The following CDH18 variants were observed in gnomAD, a reference collection of about 807,000 sequenced individuals.
The protein encoded by CDH18 is cadherin-18.
A neutral mutation model predicts 67.9 loss-of-function variants in CDH18; 31 were observed. The observed-to-expected ratio is 0.46, with a 90% CI of 0.34 to 0.62. CDH18 has a LOEUF of 0.62. Among genes scored for constraint, CDH18 ranks in the 20% least tolerant of loss-of-function variants. CDH18 has a pLI of 0.01. For missense variants in CDH18, 890 were observed against 975.5 expected, an observed-to-expected ratio of 0.91 and a Z score of 1.17; for synonymous variants, 362 against 347.2, an observed-to-expected ratio of 1.04 and a Z score of -0.48.
intron 1 of CDH18, among the ~76,000 whole-genome samples, chr5:20,294,073 G>C (rs1366744002): frequency 6.6e-6 from 1 of 152,090 alleles, no homozygotes; most frequent in Non-Finnish European, 1.5e-5. Flanking sequence ...TATATACACT[G>C]TTGGTCATAG....
At chr5:20,535,226 C>T (rs765131499) in intron 1 of CDH18, among the ~76,000 whole-genome samples, 6 of 152,086 alleles carry the variant, frequency 3.9e-5, no homozygotes, top group South Asian at 4.1e-4. Flanking sequence ...ACTGAAGTGC[C>T]GATTTGCTTG....
intron 5 of CDH18, among the ~76,000 whole-genome samples, chr5:19,632,353 T>C (rs1752537200): frequency 6.6e-6 from 1 of 152,220 alleles, no homozygotes; most frequent in South Asian, 2.1e-4. Context: ...TTTGTATTAA[T>C]AGTTCTAGAA....
Position 19,997,630 on chromosome 5 carries a change from C to A in CDH18, c.-517-5616G>T, listed in dbSNP as rs535389180. Among the ~76,000 whole-genome samples the A allele has an allele frequency of 5.9e-5, 9 of 152,128 alleles. No individual in the cohort carries two copies. The South Asian group carries it at 1.9e-3, about 32-fold the overall frequency. On this transcript the variant is annotated intron_variant, in intron 2 of 14. Coordinates refer to the CDH18 transcript ENST00000507958. ...GGTAAACTCTAAAGTCTTTGAGAAC[C>A]AACAGAAAGTATACTTTAAAGTTTT...
chr5:20,542,511 G>C (rs983659979), intron 1 of CDH18, among the ~76,000 whole-genome samples: 4 of 151,100 alleles, frequency 2.6e-5, no homozygotes, highest in Non-Finnish European at 5.9e-5. Context: ...TATATATTGT[G>C]CGTATGCATA....
At chr5:20,021,890 T>G (rs1225622961) in intron 2 of CDH18, among the ~76,000 whole-genome samples, 1 of 152,212 alleles carries the variant, frequency 6.6e-6, no homozygotes, top group Non-Finnish European at 1.5e-5. Context: ...ACATTTTCTT[T>G]CAATGAGCAG....
intron 2 of CDH18, among the ~76,000 whole-genome samples, chr5:19,913,017 T>C (rs1466682074): frequency 2.0e-5 from 3 of 152,128 alleles, no homozygotes. Context: ...AATATGGGTA[T>C]TTTAAAGAAA....
chr5:20,275,190 T>A (rs997511476), intron 1 of CDH18, among the ~76,000 whole-genome samples: 1 of 152,148 alleles, frequency 6.6e-6, no homozygotes, highest in Non-Finnish European at 1.5e-5. Flanking sequence ...CCAAATCTCA[T>A]GGCAAATTGG....
chr5:20,353,118 G>T (rs1319770020), intron 1 of CDH18, among the ~76,000 whole-genome samples: 1 of 152,008 alleles, frequency 6.6e-6, no homozygotes, highest in Non-Finnish European at 1.5e-5. Context: ...TTCTCATGGT[G>T]GTGTATGCCT....
At chr5:20,484,070 ACAACT>A (rs1338426217) in intron 1 of CDH18, among the ~76,000 whole-genome samples, 10 of 152,042 alleles carry the variant, frequency 6.6e-5, no homozygotes, top group African/African-American at 2.4e-4. Flanking sequence ...ATAAGAATAA[ACAACT>A]CTATAGGAAC....
At position 20,139,451 on chromosome 5, in the gene CDH18, C is replaced by A. The variant is rs539351217; in HGVS notation, c.-518+115993G>T. On this transcript the variant is annotated intron_variant, in intron 2 of 14. Transcript: ENST00000507958. The stretch of plus-strand genomic sequence containing the variant: ...ACACCAAAAGCAATGGCAACAAAAG[C>A]CAAAATTGACAAATGGGATCTAAGT... Among the ~76,000 whole-genome samples the A allele has an allele frequency of 3.3e-5, 5 of 152,086 alleles. No individual in the cohort carries two copies. In the South Asian group the frequency reaches 8.3e-4, roughly 25 times the overall value.
At chr5:20,509,651 C>T (rs540177770) in intron 1 of CDH18, among the ~76,000 whole-genome samples, 2 of 152,206 alleles carry the variant, frequency 1.3e-5, no homozygotes, top group Admixed American at 6.5e-5. Context: ...GATCTCCTGA[C>T]CTTGTGATCC....
At chr5:20,445,130 G>A (rs952162799) in intron 1 of CDH18, among the ~76,000 whole-genome samples, 11 of 152,080 alleles carry the variant, frequency 7.2e-5, no homozygotes, top group South Asian at 4.1e-4. Context: ...TGCTACTCTC[G>A]TCTTCTAAAC....
chr5:20,415,958 C>T (rs933922228), intron 1 of CDH18, among the ~76,000 whole-genome samples: 4 of 151,858 alleles, frequency 2.6e-5, no homozygotes, highest in Admixed American at 6.6e-5. Context: ...AAGAACAAAA[C>T]AGAATGGTGG....
At chr5:20,147,377 C>A (rs544351749) in intron 2 of CDH18, among the ~76,000 whole-genome samples, 2 of 152,000 alleles carry the variant, frequency 1.3e-5, no homozygotes, top group African/African-American at 4.8e-5. Context: ...CATTCTTATA[C>A]CCTCTAGCTC....
chr5:19,569,691 C>T (rs1403134075), intron 8 of CDH18, among the ~76,000 whole-genome samples: 1 of 152,134 alleles, frequency 6.6e-6, no homozygotes, highest in East Asian at 1.9e-4. Flanking sequence ...ATCTATCAAA[C>T]ACTAGGTTCT....
chr5:19,985,859 T>C (rs979451736), intron 1 of CDH18, among the ~76,000 whole-genome samples: 3 of 152,190 alleles, frequency 2.0e-5, no homozygotes, highest in Non-Finnish European at 2.9e-5. Flanking sequence ...AAGTAAGTTT[T>C]TCCTGGTCAA....
At chr5:19,852,171 T>A (rs1483449465) in intron 2 of CDH18, among the ~76,000 whole-genome samples, 1 of 152,012 alleles carries the variant, frequency 6.6e-6, no homozygotes, top group Non-Finnish European at 1.5e-5. Context: ...TAACCAGGAC[T>A]TTGGGGTCAA....
intron 1 of CDH18, among the ~76,000 whole-genome samples, chr5:20,366,139 A>G (rs986109966): frequency 2.0e-5 from 3 of 152,168 alleles, no homozygotes; most frequent in African/African-American, 4.8e-5. Flanking sequence ...TGTAAACTGA[A>G]ATATTATAGT....
intron 5 of CDH18, among the ~76,000 whole-genome samples, chr5:19,625,981 T>C (rs1751480370): frequency 6.6e-6 from 1 of 152,262 alleles, no homozygotes; most frequent in African/African-American, 2.4e-5. Flanking sequence ...TCTGCCAGCC[T>C]AAACTTTCAA....
Sources: gnomAD v4.1 joint callset for allele counts (sites outside exome capture counted in the v4.1 genomes callset) on GRCh38, gnomAD v4.1.1 for gene constraint, MANE v1.5 for transcripts, NCBI Gene and HGNC (gene_info 2026-07-23, HGNC 2026-07-21) for gene names.